BNC2: variants seen among roughly 807,000 people sequenced by gnomAD.
BNC2 encodes the protein zinc finger protein basonuclin-2.
BNC2 carries 20 observed loss-of-function variants against 76.3 expected under a neutral mutation model. That is an observed-to-expected ratio of 0.26 (90% CI 0.18 to 0.38). The LOEUF (loss-of-function observed/expected upper bound fraction) is 0.38. BNC2 is among the 10% of genes least tolerant of loss of function. The pLI, the probability that BNC2 is intolerant of heterozygous loss-of-function variation, is 1.00. For missense variants in BNC2, 1,382 were observed against 1,399.8 expected (o/e 0.99, Z 0.20); for synonymous variants, 582 against 514.8 (o/e 1.13, Z -1.77).
chr9:16,448,454 G>A (rs1219427947), intron 5 of BNC2, among the ~76,000 whole-genome samples: 1 of 152,102 alleles, frequency 6.6e-6, no homozygotes, highest in African/African-American at 2.4e-5. Flanking sequence ...GCACAATCAA[G>A]ATTACTGATA....
chr9:16,866,421 C>T lies in BNC2; in HGVS notation c.3+4225G>A, dbSNP rs1214146581. Among the ~76,000 whole-genome samples the T allele has an allele frequency of 2.0e-5, 3 of 151,998 alleles. No individual in the cohort carries two copies. The East Asian group carries it at 5.8e-4, about 29-fold the overall frequency. ...TCATAAACTAAAAGAAGTTAACCCA[C>T]TTCTCGGTGATTTCGTAGGAAGCTA... On this transcript the variant is annotated intron_variant, in intron 1 of 6. Transcript: ENST00000380672.
At chr9:16,434,670 G>C (rs1820968150) in intron 6 of BNC2, among the ~76,000 whole-genome samples, 1 of 152,004 alleles carries the variant, frequency 6.6e-6, no homozygotes, top group African/African-American at 2.4e-5. Context: ...GCATTTTCTT[G>C]AGGATTAATA....
At chr9:16,724,750 C>A (rs978985196) in intron 3 of BNC2, among the ~76,000 whole-genome samples, 2 of 152,074 alleles carry the variant, frequency 1.3e-5, no homozygotes, top group Admixed American at 6.5e-5. Flanking sequence ...ATCCCTACTT[C>A]CTAGTTTACT....
intron 3 of BNC2, among the ~76,000 whole-genome samples, chr9:16,678,854 C>G (rs1252495502): frequency 6.6e-6 from 1 of 152,130 alleles, no homozygotes. Flanking sequence ...CTGGAGATGT[C>G]TCCTTCGGTA....
rs1242507386 is a variant in BNC2, at chr9:16,503,174, T to C, written c.669+49356A>G. Among the ~76,000 whole-genome samples the C allele has an allele frequency of 3.3e-5, 5 of 152,164 alleles. No individual in the cohort carries two copies. In the East Asian group the frequency reaches 7.7e-4, roughly 23 times the overall value. ...AAACATTTTTAAAGTGTAATATATA[T>C]GGTTTACCACCCTCCTCCAGCCCCC... On this transcript the variant is annotated intron_variant, in intron 5 of 6. Coordinates refer to ENST00000380672, the MANE Select transcript of BNC2 (RefSeq NM_017637.6).
intron 1 of BNC2, among the ~76,000 whole-genome samples, chr9:16,757,724 G>GGAAA (rs1554724020): frequency 1.8e-5 from 2 of 109,812 alleles, no homozygotes; most frequent in Admixed American, 7.9e-5. Context: ...ATTTTAAAAA[G>GGAAA]AAAAAAAAAA....
intron 5 of BNC2, among the ~76,000 whole-genome samples, chr9:16,455,126 A>G (rs752290666): frequency 1.3e-5 from 2 of 152,236 alleles, no homozygotes; most frequent in Non-Finnish European, 2.9e-5. Flanking sequence ...ACTAGAGGCA[A>G]TTTCCAATTG....
intron 3 of BNC2, among the ~76,000 whole-genome samples, chr9:16,711,487 T>C (rs1024248270): frequency 2.0e-5 from 3 of 152,252 alleles, no homozygotes; most frequent in Non-Finnish European, 2.9e-5. Context: ...GAAGTGATTA[T>C]TGTTCGAAGA....
intron 4 of BNC2, among the ~76,000 whole-genome samples, chr9:16,553,737 G>A (rs1186826387): frequency 6.6e-6 from 1 of 152,104 alleles, no homozygotes; most frequent in Non-Finnish European, 1.5e-5. Context: ...AGAACTAAAG[G>A]CCAAAATAAG....
rs1383861755 is a variant in BNC2 at position 16,837,030 on chromosome 9, T to A, written c.3+33616A>T. On this transcript the variant is annotated intron_variant, in intron 1 of 6. Transcript: ENST00000380672. ...CACATCATAAATTCTCTCCCCACTGTCCTGGTATCTCAGGTGGGGGACTAC... is the reference window on the plus strand; with the variant it reads ...CACATCATAAATTCTCTCCCCACTGACCTGGTATCTCAGGTGGGGGACTAC... Among the ~76,000 whole-genome samples, 3 of 152,232 alleles carry A rather than the reference T, an allele frequency of 2.0e-5. No homozygotes were observed. In the East Asian group the frequency reaches 5.8e-4, roughly 29 times the overall value.
At chr9:16,772,692 C>T (rs1017110068) in intron 1 of BNC2, among the ~76,000 whole-genome samples, 2 of 152,108 alleles carry the variant, frequency 1.3e-5, no homozygotes, top group African/African-American at 2.4e-5. Context: ...ACTGGTTCAA[C>T]GTCTTCAAGC....
intron 1 of BNC2, among the ~76,000 whole-genome samples, chr9:16,771,986 A>G (rs1225410710): frequency 2.6e-5 from 4 of 152,226 alleles, no homozygotes; most frequent in African/African-American, 9.6e-5. Context: ...TCCCTGTTGC[A>G]TTATCTACCA....
chr9:16,551,732 CAGAT>C (rs1337794686), intron 5 of BNC2, among the ~76,000 whole-genome samples: 4 of 152,164 alleles, frequency 2.6e-5, no homozygotes, highest in Non-Finnish European at 4.4e-5. Context: ...TACAGGAAGA[CAGAT>C]AGCCATAAAC....
chr9:16,803,366 C>A (rs977965458), intron 1 of BNC2, among the ~76,000 whole-genome samples: 1 of 152,314 alleles, frequency 6.6e-6, no homozygotes, highest in East Asian at 1.9e-4. Flanking sequence ...ATACGTACCT[C>A]TGCCCCAAAA....
chr9:16,472,291 G>A (rs943830475), intron 5 of BNC2, among the ~76,000 whole-genome samples: 2 of 152,288 alleles, frequency 1.3e-5, no homozygotes, highest in East Asian at 1.9e-4. Flanking sequence ...GAGAAAGAGG[G>A]GAGAAAGGGT....
chr9:16,837,817 A>C (rs897180874), intron 1 of BNC2, among the ~76,000 whole-genome samples: 3 of 152,014 alleles, frequency 2.0e-5, no homozygotes, highest in Non-Finnish European at 4.4e-5. Context: ...TATTACTATC[A>C]ACTCTGCCTC....
chr9:16,649,680 A>G (rs1304057031), intron 3 of BNC2, among the ~76,000 whole-genome samples: 1 of 152,234 alleles, frequency 6.6e-6, no homozygotes, highest in African/African-American at 2.4e-5. Context: ...AAGTGGCACA[A>G]TCTATAAGAG....
intron 3 of BNC2, among the ~76,000 whole-genome samples, chr9:16,675,927 T>C (rs975032874): frequency 1.3e-5 from 2 of 152,022 alleles, no homozygotes; most frequent in African/African-American, 4.8e-5. Context: ...TAGCTGGGTG[T>C]GGTGGTGCAC....
intron 3 of BNC2, among the ~76,000 whole-genome samples, chr9:16,595,101 T>C (rs1308066740): frequency 6.6e-6 from 1 of 152,124 alleles, no homozygotes; most frequent in Non-Finnish European, 1.5e-5. Flanking sequence ...AGTCTTTATA[T>C]GGTTATATTA....
Sources: allele counts gnomAD v4.1 joint callset (sites outside exome capture counted in the v4.1 genomes callset), GRCh38; gene constraint gnomAD v4.1.1; transcripts MANE v1.5; gene names NCBI Gene and HGNC (gene_info 2026-07-23, HGNC 2026-07-21).